ADAMTS17: variants seen among roughly 807,000 people sequenced by gnomAD.
ADAMTS17 encodes A disintegrin and metalloproteinase with thrombospondin motifs 17.
Under a neutral mutation model 141.5 loss-of-function variants are expected in ADAMTS17, and 113 were observed. The observed-to-expected ratio is 0.80, with a 90% confidence interval of 0.69 to 0.93. The LOEUF (loss-of-function observed/expected upper bound fraction) is 0.93, where lower values mean the gene tolerates loss of function less well. ADAMTS17 is among the 40% of genes least tolerant of loss of function. ADAMTS17 has a pLI of 0.00. For missense variants in ADAMTS17, 1,659 were observed against 1,517.9 expected, an observed-to-expected ratio of 1.09 and a Z score of -1.54; for synonymous variants, 768 against 630.6, an observed-to-expected ratio of 1.22 and a Z score of -3.27.
intron 12 of ADAMTS17, among the ~76,000 whole-genome samples, chr15:100,124,425 A>G (rs925251037): frequency 5.9e-5 from 9 of 152,254 alleles, no homozygotes; most frequent in Non-Finnish European, 1.5e-5. Flanking sequence ...CCAGCCAGAT[A>G]CTGCTACACA....
intron 10 of ADAMTS17, among the ~76,000 whole-genome samples, chr15:100,137,594 T>A (rs1219427441): frequency 1.3e-5 from 2 of 152,228 alleles, no homozygotes; most frequent in Non-Finnish European, 2.9e-5. Flanking sequence ...CAGACAGGGC[T>A]GCTCTTCCAG....
chr15:100,250,355 C>T (rs181954536), intron 7 of ADAMTS17, among the ~76,000 whole-genome samples: 72 of 152,304 alleles, frequency 4.7e-4, no homozygotes, highest in African/African-American at 1.6e-3. Flanking sequence ...CAGCATCTCA[C>T]GCTCGAGCTG....
intron 13 of ADAMTS17, among the ~76,000 whole-genome samples, chr15:100,111,875 A>G (rs557509555): frequency 6.6e-6 from 1 of 152,340 alleles, no homozygotes; most frequent in East Asian, 1.9e-4. Context: ...GACTGTCTTC[A>G]GTTGGCAGGG....
chr15:100,158,952 T>C (rs1238184362), intron 8 of ADAMTS17, among the ~76,000 whole-genome samples: 1 of 152,072 alleles, frequency 6.6e-6, no homozygotes, highest in African/African-American at 2.4e-5. Context: ...ATGTTTACTA[T>C]GAAAATACAA....
intron 10 of ADAMTS17, among the ~76,000 whole-genome samples, chr15:100,135,920 G>A (rs1174059934): frequency 2.0e-5 from 3 of 152,178 alleles, no homozygotes; most frequent in Non-Finnish European, 4.4e-5. Flanking sequence ...TGAAGAAGAT[G>A]GAGAGCACCG....
At position 99,971,715 on chromosome 15, in the gene ADAMTS17, T is replaced by C. The variant is rs1160203140; in HGVS notation, c.*2687A>G. 6.6e-6 allele frequency: 1 copy of C among 152,128 alleles called. No homozygotes were observed. Among genetic ancestry groups the C allele is most frequent in the Non-Finnish European group, 1.5e-5 (1 of 68,034 alleles). The allele number at this position is 152,128 out of a possible 1,614,324, so 9.4% of individuals were successfully genotyped here. A position where few individuals can be genotyped will look rare whatever the true frequency, so the allele number is the denominator to read the frequency against. On this transcript the variant is annotated 3_prime_UTR_variant, in exon 22 of 22. Transcript: ENST00000268070. ...GCATTCTGATCCTATCCAGCAACGG[T>C]CAGCTGAGAGGGTTTAATTTTGCAC...
At chr15:100,316,493 C>T (rs1013399978) in intron 3 of ADAMTS17, among the ~76,000 whole-genome samples, 1 of 152,142 alleles carries the variant, frequency 6.6e-6, no homozygotes, top group East Asian at 1.9e-4. Context: ...ACAATCTTGA[C>T]ACACACTCAC....
intron 3 of ADAMTS17, among the ~76,000 whole-genome samples, chr15:100,294,359 C>T (rs965312371): frequency 1.3e-5 from 2 of 152,124 alleles, no homozygotes; most frequent in African/African-American, 4.8e-5. Flanking sequence ...TCCGTATTTC[C>T]TACTCTGCAG....
At chr15:100,280,318 C>T (rs2044238078) in intron 4 of ADAMTS17, among the ~76,000 whole-genome samples, 2 of 152,080 alleles carry the variant, frequency 1.3e-5, no homozygotes, top group African/African-American at 4.8e-5. Context: ...CTCTCCAACC[C>T]CCACATCCTG....
intron 15 of ADAMTS17, among the ~76,000 whole-genome samples, chr15:100,075,966 C>A (rs2034343647): frequency 6.6e-6 from 1 of 152,146 alleles, no homozygotes; most frequent in South Asian, 2.1e-4. Context: ...AGTCACGTTT[C>A]ATCTCTCTTT....
At chr15:100,337,316 A>C (rs578171223) in intron 2 of ADAMTS17, among the ~76,000 whole-genome samples, 11 of 152,360 alleles carry the variant, frequency 7.2e-5, no homozygotes, top group Non-Finnish European at 1.6e-4. Context: ...ACCAACATGG[A>C]CACGTGGTCT....
intron 10 of ADAMTS17, among the ~76,000 whole-genome samples, chr15:100,140,140 C>A (rs2038551716): frequency 6.6e-6 from 1 of 152,018 alleles, no homozygotes; most frequent in African/African-American, 2.4e-5. Context: ...GGACTACAGG[C>A]ATGCGCCACC....
chr15:100,275,598 C>G (rs549815599), intron 4 of ADAMTS17, among the ~76,000 whole-genome samples: 1 of 152,162 alleles, frequency 6.6e-6, no homozygotes, highest in South Asian at 2.1e-4. Context: ...GACTGGAGTC[C>G]TTGCCCTACT....
chr15:100,008,003 G>A (rs1175418385), intron 18 of ADAMTS17, among the ~76,000 whole-genome samples: 2 of 152,128 alleles, frequency 1.3e-5, no homozygotes, highest in African/African-American at 4.8e-5. Flanking sequence ...ATGCCGGGAA[G>A]GGACTGCACC....
intron 15 of ADAMTS17, among the ~76,000 whole-genome samples, chr15:100,064,776 G>A (rs183978173): frequency 6.6e-6 from 1 of 152,220 alleles, no homozygotes; most frequent in Non-Finnish European, 1.5e-5. Flanking sequence ...CTAATGCCTG[G>A]TTAATAGGGT....
chr15:100,087,640 A>G (rs144265246), intron 15 of ADAMTS17, among the ~76,000 whole-genome samples: 124 of 152,336 alleles, frequency 8.1e-4, no homozygotes, highest in African/African-American at 2.9e-3. Flanking sequence ...CTTATGCACC[A>G]TGATCAAGTG....
At chr15:100,221,911 G>A (rs942455236) in intron 7 of ADAMTS17, among the ~76,000 whole-genome samples, 2 of 152,202 alleles carry the variant, frequency 1.3e-5, no homozygotes, top group African/African-American at 4.8e-5. Context: ...TGACACCTCT[G>A]CCGGAGGCCG....
chr15:100,269,723 G>T lies in ADAMTS17; in HGVS notation c.790-7288C>A, dbSNP rs1297946672. On this transcript the variant is annotated intron_variant, in intron 4 of 21. Transcript: ENST00000268070. Reference sequence around the variant, plus strand: ...CGGCAGCAGGAATCCAGCCTGAGAGGTCAAGCCTGCATGACCAGCCCTCAC... The same window carrying T: ...CGGCAGCAGGAATCCAGCCTGAGAGTTCAAGCCTGCATGACCAGCCCTCAC... 3.3e-5 allele frequency among the ~76,000 whole-genome samples: 5 copies of T among 152,132 alleles called. No homozygotes were observed. The East Asian group carries it at 9.6e-4, about 29-fold the overall frequency.
At chr15:100,165,336 G>C (rs185246643) in intron 8 of ADAMTS17, among the ~76,000 whole-genome samples, 3 of 152,284 alleles carry the variant, frequency 2.0e-5, no homozygotes, top group Admixed American at 6.5e-5. Flanking sequence ...TGAGCACCTA[G>C]GTCTATGTAA....
Sources: gnomAD v4.1 joint callset for allele counts (sites outside exome capture counted in the v4.1 genomes callset) on GRCh38, gnomAD v4.1.1 for gene constraint, MANE v1.5 for transcripts, NCBI Gene and HGNC (gene_info 2026-07-23, HGNC 2026-07-21) for gene names.